GTF3C2: variants seen among roughly 807,000 people sequenced by gnomAD.
The protein encoded by GTF3C2 is general transcription factor IIIC subunit 2.
A neutral mutation model predicts 117.4 loss-of-function variants in GTF3C2; 17 were observed. The ratio of observed to expected loss-of-function variants is 0.14; its 90% CI spans 0.10 to 0.22. The LOEUF (loss-of-function observed/expected upper bound fraction) is 0.22, where lower values mean the gene tolerates loss of function less well. Ranked by LOEUF, GTF3C2 falls within the 10% of genes least tolerant of loss-of-function variation. The pLI is 1.00. For synonymous variants in GTF3C2, 437 were observed against 427.0 expected (o/e 1.02, Z -0.29); for missense variants, 888 against 1,143.6 (o/e 0.78, Z 3.22).
chr2:27,342,504 G>A (rs1680770912), intron 3 of GTF3C2: 2 of 537,930 alleles, frequency 3.7e-6, no homozygotes, highest in Non-Finnish European at 6.6e-6. Flanking sequence ...CACAGTCAAA[G>A]AACACAGAGG....
At chr2:27,337,692 A>G in intron 5 of GTF3C2, 134 bp from the exon 6 acceptor site, 2 of 736,418 alleles carry the variant, frequency 2.7e-6, no homozygotes, top group Non-Finnish European at 4.9e-6. Flanking sequence ...CCAATTAGCT[A>G]CCAAGCACCT....
chr2:27,335,235 A>T (rs1210561419), intron 10 of GTF3C2: 3 of 482,516 alleles, frequency 6.2e-6, no homozygotes, highest in African/African-American at 5.9e-5. Context: ...AGGAGAGGCT[A>T]AGAACAGGAT....
In GTF3C2 at chr2:27,329,406, C is replaced by T. The variant is rs763088522; in HGVS notation, c.1850G>A (p.Arg617His). 1.2e-6 allele frequency: 2 copies of T among 1,614,080 alleles called. No homozygotes were observed. The highest frequency in any genetic ancestry group is 1.7e-6 in the Non-Finnish European group (2 of 1,179,986). ...GTTAGCTTTGCACCATTGAAGGGTA[C>T]GCACAGCCTGGTCATGGGCTAGGAA... is the stretch of plus-strand genomic sequence containing the variant. The change falls in exon 13 of 19, where the codon CGT (arginine) becomes CAT (histidine). Residue 617 changes from arginine to histidine, a missense_variant. Arg to His is a conservative substitution (Grantham distance 29). Around this residue, in one of 7 missense-constraint regions of GTF3C2, gnomAD observed 277 missense variants for 445.4 expected, o/e 0.62. Transcript: ENST00000264720. This position sits in a 1 kb window ranked among gnomAD's most constrained non-coding sequence, Gnocchi z 4.5.
At position 27,335,907 on chromosome 2, in the gene GTF3C2, T is replaced by C; in HGVS notation, c.1467+10A>G. On this transcript the variant is annotated intron_variant, in intron 9 of 18. Transcript: ENST00000264720. ...GTCCTAGGGCCATCCCACAGTTGAC[T>C]GGGAAGTACCTTCCGAGGGGTGCCT... 1 of 1,555,270 alleles carries C rather than the reference T, an allele frequency of 6.4e-7. No individual in the cohort carries two copies. The highest frequency in any genetic ancestry group is 8.9e-7 in the Non-Finnish European group (1 of 1,126,382).
exon 7 of GTF3C2, chr2:27,337,300 C>T (rs1680522050): frequency 1.9e-6 from 3 of 1,613,570 alleles, no homozygotes; most frequent in East Asian, 2.2e-5. Context: ...GTACAGAAAA[C>T]AATGGAGACT....
At chr2:27,334,660 T>C (rs537039854) in intron 10 of GTF3C2, among the ~76,000 whole-genome samples, 9 of 151,302 alleles carry the variant, frequency 5.9e-5, no homozygotes, top group East Asian at 3.9e-4. Context: ...TTTTTTTTTT[T>C]CAGACAGCAT....
At chr2:27,334,975 T>C (rs1418626754) in intron 10 of GTF3C2, among the ~76,000 whole-genome samples, 1 of 152,130 alleles carries the variant, frequency 6.6e-6, no homozygotes, top group Admixed American at 6.5e-5. Flanking sequence ...GAATGGTCTA[T>C]ATTTACTATC....
At chr2:27,333,880 T>G in intron 11 of GTF3C2, 94 bp downstream of exon 11, 1 of 1,478,612 alleles carries the variant, frequency 6.8e-7, no homozygotes, top group Non-Finnish European at 9.5e-7. Context: ...GATGAGGGTA[T>G]TTTTCAGAAG....
exon 4 of GTF3C2, chr2:27,341,949 C>T: frequency 6.2e-7 from 1 of 1,613,312 alleles, no homozygotes; most frequent in South Asian, 1.1e-5. Context: ...TGAGGTTACC[C>T]CTGAAGTAGA....
chr2:27,345,414 G>A (rs1320541093), intron 1 of GTF3C2, among the ~76,000 whole-genome samples: 1 of 152,076 alleles, frequency 6.6e-6, no homozygotes, highest in East Asian at 1.9e-4. Context: ...CCAACATGGT[G>A]AAACCCCATC....
chr2:27,347,730 A>C (rs960318562), intron 1 of GTF3C2, among the ~76,000 whole-genome samples: 3 of 152,208 alleles, frequency 2.0e-5, no homozygotes, highest in African/African-American at 7.2e-5. Flanking sequence ...TCCAAAACTC[A>C]TGTTGAAATT....
chr2:27,343,277 G>T lies in GTF3C2; in HGVS notation c.247+31C>A, dbSNP rs201453564. The T allele has an allele frequency of 4.9e-5, 78 of 1,601,996 alleles. No individual in the cohort carries two copies. In the East Asian group the frequency reaches 1.5e-3, roughly 31 times the overall value. On this transcript the variant is annotated intron_variant, in intron 2 of 18. Coordinates refer to ENST00000264720, the Ensembl canonical transcript of GTF3C2. ...TCTTTCATCTTAAGCTTGGCATGGG[G>T]AATAAAAAGATAAGAGGACAAGGTA... is the stretch of plus-strand genomic sequence containing the variant.
In GTF3C2 at chr2:27,346,330, C is replaced by CTT. The variant is rs144256545; in HGVS notation, c.-24-2754_-24-2753dup. Among the ~76,000 whole-genome samples, 16 of 64,302 alleles carry CTT rather than the reference C, an allele frequency of 2.5e-4. 3 individuals are homozygous for CTT. Among genetic ancestry groups the CTT allele is most frequent in the Non-Finnish European group, 3.5e-4 (12 of 34,584 alleles). 42.2% of individuals were successfully genotyped at this position (64,302 alleles called of 152,430 possible). ...TTAGCCACCGTGCCCATTCTGATACCTTTTTTTTTTTTTTTTTTTTTTTTT... is the reference window on the plus strand; with the variant it reads ...TTAGCCACCGTGCCCATTCTGATACCTTTTTTTTTTTTTTTTTTTTTTTTTTT... On this transcript the variant is annotated intron_variant, in intron 1 of 18. Coordinates refer to ENST00000264720, the Ensembl canonical transcript of GTF3C2.
At chr2:27,328,956 ACCTT>A (rs1680187228) in intron 14 of GTF3C2, 25 bp from the exon 15 acceptor site, 1 of 1,536,868 alleles carries the variant, frequency 6.5e-7, no homozygotes, top group Admixed American at 1.7e-5. Context: ...ATAAATTTAA[ACCTT>A]CCTTTTCTTT....
chr2:27,327,708 A>G (rs985097256), intron 17 of GTF3C2, among the ~76,000 whole-genome samples: 1 of 145,832 alleles, frequency 6.9e-6, no homozygotes, highest in Non-Finnish European at 1.5e-5. Context: ...GCTCACTGCA[A>G]TCTCCACCTC....
chr2:27,356,350 C>T (rs1422530714), intron 1 of GTF3C2: 1 of 333,744 alleles, frequency 3.0e-6, no homozygotes, highest in Non-Finnish European at 6.0e-6. Context: ...CTTCTTCAGT[C>T]CTGGGCGTGA....
At chr2:27,338,448 ACGCGCACG>A (rs912068731) in intron 4 of GTF3C2, among the ~76,000 whole-genome samples, 1 of 58,566 alleles carries the variant, frequency 1.7e-5, no homozygotes, top group Non-Finnish European at 3.9e-5. Context: ...ACAGGCGCGC[ACGCGCACG>A]CGCGCACACA....
intron 1 of GTF3C2, among the ~76,000 whole-genome samples, chr2:27,351,946 T>C (rs1269966585): frequency 6.6e-6 from 1 of 152,216 alleles, no homozygotes; most frequent in Non-Finnish European, 1.5e-5. Context: ...CTCACTTTGC[T>C]GTCATTCTCT....
Position 27,328,951 on chromosome 2 carries a change from T to C in GTF3C2, c.2040-20A>G. On this transcript the variant is annotated intron_variant, in intron 14 of 18. Transcript: ENST00000264720. The stretch of plus-strand genomic sequence containing the variant: ...CCATAACTGTTAAAAGAGAAATAAA[T>C]TTAAACCTTCCTTTTCTTTAGATTC... The C allele has an allele frequency of 6.5e-7, 1 of 1,548,114 alleles. No individual in the cohort carries two copies. The highest frequency in any genetic ancestry group is 8.9e-7 in the Non-Finnish European group (1 of 1,123,060).
Sources: gnomAD v4.1 joint callset for allele counts (sites outside exome capture counted in the v4.1 genomes callset) on GRCh38, gnomAD v4.1.1 for gene constraint, gnomAD v4.1.1 regional missense constraint, Gnocchi (gnomAD v3.1) non-coding constraint, MANE v1.5 for transcripts, NCBI Gene and HGNC (gene_info 2026-07-23, HGNC 2026-07-21) for gene names.